Variants in UROC1 observed in about 807,000 individuals in gnomAD.
UROC1 encodes urocanate hydratase 1.
A neutral mutation model predicts 89.5 loss-of-function variants in UROC1; 79 were observed. That is an observed-to-expected ratio of 0.88 (90% CI 0.74 to 1.06). UROC1 has a LOEUF of 1.06. Among genes scored for constraint, UROC1 ranks in the 50% least tolerant of loss-of-function variants. The pLI is 0.00. For missense variants in UROC1, 885 were observed against 907.8 expected (o/e 0.97, Z 0.32); for synonymous variants, 361 against 354.8 (o/e 1.02, Z -0.20).
intron 4 of UROC1, 105 bp downstream of exon 4, chr3:126,508,311 G>A: frequency 7.3e-7 from 1 of 1,373,346 alleles, no homozygotes; most frequent in African/African-American, 1.4e-5. Flanking sequence ...GCACCAGGGA[G>A]GCAGAGGCCT....
At chr3:126,502,031 G>T (rs938399558) in intron 9 of UROC1, 20 of 1,416,668 alleles carry the variant, frequency 1.4e-5, no homozygotes, top group Non-Finnish European at 4.6e-6. Flanking sequence ...CAGACAGGTT[G>T]CTCGAGACAG....
At chr3:126,492,568 G>A (rs779424145) in intron 15 of UROC1, 52 bp from the exon 16 acceptor site, 11 of 1,458,006 alleles carry the variant, frequency 7.5e-6, no homozygotes, top group Non-Finnish European at 9.5e-6. Context: ...AGCAATAACA[G>A]GACCTGGGGT....
chr3:126,492,339 A>G, intron 16 of UROC1, 79 bp downstream of exon 16: 1 of 1,367,870 alleles, frequency 7.3e-7, no homozygotes, highest in Non-Finnish European at 1.0e-6. Context: ...CAGCCGAGGC[A>G]CACGCAGGAA....
intron 9 of UROC1, among the ~76,000 whole-genome samples, chr3:126,503,344 C>T (rs778719152): frequency 2.6e-5 from 4 of 152,218 alleles, no homozygotes; most frequent in East Asian, 1.9e-4. Flanking sequence ...TGTGTCTTCC[C>T]GTAACAGGAC....
chr3:126,516,685 C>T (rs1295942574), intron 1 of UROC1, among the ~76,000 whole-genome samples: 2 of 97,734 alleles, frequency 2.0e-5, no homozygotes, highest in Non-Finnish European at 4.2e-5. Context: ...CCCAACTCCC[C>T]TCCACCCCCA....
Position 126,507,711 on chromosome 3 carries a change from A to T in UROC1, c.602+31T>A. ...AATGACCCATGGCTAACGGGGAAACACGGTGTAAACAGACTGAAATAGTGA... is the reference window on the plus strand; with the variant it reads ...AATGACCCATGGCTAACGGGGAAACTCGGTGTAAACAGACTGAAATAGTGA... On this transcript the variant is annotated intron_variant, in intron 6 of 19. Transcript: ENST00000290868. The T allele has an allele frequency of 1.9e-6, 3 of 1,611,038 alleles. No individual in the cohort carries two copies. The South Asian group carries it at 3.3e-5, about 18-fold the overall frequency.
chr3:126,512,845 G>T (rs1250905438), intron 1 of UROC1, among the ~76,000 whole-genome samples: 1 of 152,204 alleles, frequency 6.6e-6, no homozygotes, highest in Non-Finnish European at 1.5e-5. Context: ...AAAGCAAAGA[G>T]CAAGCATGAT....
At position 126,517,659 on chromosome 3, in the gene UROC1, C is replaced by T. The variant is rs1333954474; in HGVS notation, c.61G>A (p.Gly21Arg). The change falls in exon 1 of 20, where the codon GGA becomes AGA. Residue 21 changes from glycine to arginine, a missense_variant. Transcript: ENST00000290868. ...LPLRPLPENR[G>R]RQAGVPHAPV... ...GCATGGGGCACCCCAGCCTGGCGTC[C>T]CCGGTTCTCTGGGAGGGGCCGCAGG... is the stretch of plus-strand genomic sequence containing the variant. The T allele has an allele frequency of 1.2e-6, 2 of 1,608,804 alleles. No individual in the cohort carries two copies. Among genetic ancestry groups the T allele is most frequent in the Non-Finnish European group, 1.7e-6 (2 of 1,178,334 alleles).
Position 126,482,324 on chromosome 3 carries a change from G to A in UROC1, c.*21C>T. On this transcript the variant is annotated 3_prime_UTR_variant, in exon 20 of 20. Coordinates refer to ENST00000290868, the MANE Select transcript of UROC1 (RefSeq NM_144639.3). The stretch of plus-strand genomic sequence containing the variant: ...GATCGCCAGGGAGGAAGGGAGGCAG[G>A]GGCCGCGACTCCTGGCTCCCTCAGA... The A allele has an allele frequency of 3.1e-6, 5 of 1,609,970 alleles. No homozygotes were observed. Among genetic ancestry groups the A allele is most frequent in the Non-Finnish European group, 4.2e-6 (5 of 1,178,064 alleles).
chr3:126,500,194 C>T, intron 11 of UROC1, 40 bp from the exon 12 acceptor site: 1 of 1,602,638 alleles, frequency 6.2e-7, no homozygotes, highest in Non-Finnish European at 8.5e-7. Flanking sequence ...CTGTGAGGCC[C>T]TGGGGCCTCC....
Position 126,510,771 on chromosome 3 carries a change from G to A in UROC1, c.150C>T (p.Arg50=). The A allele has an allele frequency of 5.0e-6, 8 of 1,613,920 alleles. No homozygotes were observed. The highest frequency in any genetic ancestry group is 6.8e-6 in the Non-Finnish European group (8 of 1,180,038). Residue 50 remains arginine (R), a synonymous_variant, in exon 2 of 20, where the codon CGC becomes CGT. Transcript: ENST00000290868. ...GCTCCTGGACATCCGGGGGGAAGTAGCGCAGGGCGTTCCTCAGCGCCAGCT... is the reference window on the plus strand; with the variant it reads ...GCTCCTGGACATCCGGGGGGAAGTAACGCAGGGCGTTCCTCAGCGCCAGCT... ...EKQLALRNAL[R]YFPPDVQELL...
chr3:126,492,336 G>A, intron 16 of UROC1, 82 bp downstream of exon 16: 5 of 1,343,838 alleles, frequency 3.7e-6, no homozygotes, highest in Non-Finnish European at 5.2e-6. Flanking sequence ...GTGCAGCCGA[G>A]GCACACGCAG....
At chr3:126,505,882 C>A in intron 7 of UROC1, 38 bp from the exon 8 acceptor site, 10 of 1,610,862 alleles carry the variant, frequency 6.2e-6, no homozygotes, top group Non-Finnish European at 8.5e-6. Context: ...TGCCCACTCC[C>A]AGCCCGCCCC....
At chr3:126,517,371 G>A (rs942313224) in intron 1 of UROC1, among the ~76,000 whole-genome samples, 1 of 152,172 alleles carries the variant, frequency 6.6e-6, no homozygotes, top group Non-Finnish European at 1.5e-5. Flanking sequence ...GAGCCTCAGG[G>A]TCCTCATCTG....
At chr3:126,489,205 G>T in intron 17 of UROC1, 71 bp downstream of exon 17, 3 of 1,408,884 alleles carry the variant, frequency 2.1e-6, no homozygotes, top group South Asian at 2.3e-5. Flanking sequence ...CATTGTGACT[G>T]ACTAAATGCA....
rs148929090 is a variant in UROC1, at chr3:126,486,639, G to A, written c.1790+1559C>T. Among the ~76,000 whole-genome samples, 336 of 152,334 alleles carry A rather than the reference G, an allele frequency of 2.2e-3. 1 individual carries two copies. The highest frequency in any genetic ancestry group is 7.6e-3 in the African/African-American group (315 of 41,572). On this transcript the variant is annotated intron_variant, in intron 18 of 19. Coordinates refer to ENST00000290868, the MANE Select transcript of UROC1 (RefSeq NM_144639.3). ...CCTGGAGTGGAGCCAACAGACAAGT[G>A]GAAACATGGGAAGTTCGGTCCAGGA...
chr3:126,502,123 T>C (rs1935937218), intron 9 of UROC1, among the ~76,000 whole-genome samples: 1 of 152,220 alleles, frequency 6.6e-6, no homozygotes, highest in African/African-American at 2.4e-5. Context: ...TATATGTATA[T>C]ATGCGTGTAT....
At chr3:126,492,353 C>T (rs960142935) in intron 16 of UROC1, 65 bp downstream of exon 16, 2 of 1,501,076 alleles carry the variant, frequency 1.3e-6, no homozygotes, top group African/African-American at 2.8e-5. Flanking sequence ...GCAGGAAGGC[C>T]CAAGGCAGGA....
chr3:126,510,643 A>G (rs1399919614), intron 2 of UROC1, 21 bp downstream of exon 2: 1 of 1,613,284 alleles, frequency 6.2e-7, no homozygotes, highest in African/African-American at 1.3e-5. Context: ...GTCCCTTTGA[A>G]GCTGTACCCA....
Sources: allele counts gnomAD v4.1 joint callset (sites outside exome capture counted in the v4.1 genomes callset), GRCh38; gene constraint gnomAD v4.1.1; transcripts MANE v1.5; gene names NCBI Gene and HGNC (gene_info 2026-07-23, HGNC 2026-07-21).